LHX8: variants seen among roughly 807,000 people sequenced by gnomAD.
LHX8 encodes LIM homeobox 8, also known as LIM/homeobox protein Lhx8.
A neutral mutation model predicts 40.3 loss-of-function variants in LHX8; 12 were observed. That is an observed-to-expected ratio of 0.30 (90% CI 0.19 to 0.48). LHX8 has a LOEUF of 0.48. Among genes scored for constraint, LHX8 ranks in the 20% least tolerant of loss-of-function variants. The pLI, the probability that LHX8 is intolerant of heterozygous loss-of-function variation, is 0.99. For synonymous variants in LHX8, 179 were observed against 162.0 expected, an observed-to-expected ratio of 1.10 and a Z score of -0.80; for missense variants, 344 against 433.7, an observed-to-expected ratio of 0.79 and a Z score of 1.84.
At chr1:75,153,404 TTTTTG>T (rs986496069) in intron 7 of LHX8, among the ~76,000 whole-genome samples, 11 of 150,550 alleles carry the variant, frequency 7.3e-5, no homozygotes, top group East Asian at 5.9e-4. Context: ...ACGCCTGGCC[TTTTTG>T]TTTTGTTTTG....
chr1:75,136,529 C>T (rs140903812), intron 1 of LHX8, 74 bp from the exon 2 acceptor site: 20,423 of 1,140,846 alleles, frequency 0.018, 226 homozygotes, highest in Middle Eastern at 0.024. Flanking sequence ...CTCCCCGCGC[C>T]GAGGCTGGGG....
chr1:75,130,816 C>T, upstream of LHX8: 1 of 1,330,576 alleles, frequency 7.5e-7, no homozygotes, highest in Admixed American at 1.7e-5. Context: ...ACGTGATGGG[C>T]AAAAATCCAA....
Position 75,160,943 on chromosome 1 carries a change from A to G in LHX8, c.*48A>G. The G allele has an allele frequency of 1.5e-6, 2 of 1,327,042 alleles. No homozygotes were observed. Among genetic ancestry groups the G allele is most frequent in the Non-Finnish European group, 2.2e-6 (2 of 919,136 alleles). 82.2% of individuals were successfully genotyped at this position (1,327,042 alleles called of 1,614,324 possible). ...GATTAAGGATATAAATTTGTCATTTATTATGTATAAAATACCATTGAAAAG... is the reference window on the plus strand; with the variant it reads ...GATTAAGGATATAAATTTGTCATTTGTTATGTATAAAATACCATTGAAAAG... On this transcript the variant is annotated 3_prime_UTR_variant, in exon 9 of 9. Coordinates refer to ENST00000356261, the MANE Select transcript of LHX8 (RefSeq NM_001256114.2).
At chr1:75,195,122 T>C in the LHX8 span, among the ~76,000 whole-genome samples, 1 of 152,358 alleles carries the variant, frequency 6.6e-6, no homozygotes, top group South Asian at 2.1e-4. Flanking sequence ...CTTCTTTCCA[T>C]ATCTATCTGT....
At chr1:75,181,485 G>A in the LHX8 span, among the ~76,000 whole-genome samples, 2 of 152,154 alleles carry the variant, frequency 1.3e-5, no homozygotes, top group African/African-American at 4.8e-5. Context: ...AGGCTCCATG[G>A]GCATGGGACC....
chr1:75,135,929 C>G (rs1023471585), intron 1 of LHX8, among the ~76,000 whole-genome samples: 4 of 152,170 alleles, frequency 2.6e-5, no homozygotes, highest in African/African-American at 9.7e-5. Context: ...ACTCGCCACT[C>G]TAATTGCTGT....
At chr1:75,187,717 T>C in the LHX8 span, among the ~76,000 whole-genome samples, 1 of 152,122 alleles carries the variant, frequency 6.6e-6, no homozygotes, top group African/African-American at 2.4e-5. Context: ...GCACTTAAGA[T>C]TGTCAGTGTG....
intron 7 of LHX8, among the ~76,000 whole-genome samples, chr1:75,155,067 C>T (rs1408867981): frequency 6.6e-6 from 1 of 152,100 alleles, no homozygotes; most frequent in Non-Finnish European, 1.5e-5. Flanking sequence ...TACCACCAGC[C>T]TTGAACAGAC....
chr1:75,132,423 G>T (rs766770417), upstream of LHX8: 2 of 152,294 alleles, frequency 1.3e-5, no homozygotes, highest in African/African-American at 4.8e-5. Flanking sequence ...CATCCCACAA[G>T]GCGCCTGGAG....
rs762022553 is a variant in LHX8 at position 75,148,696 on chromosome 1, T to C, written c.780+14T>C. On this transcript the variant is annotated intron_variant, in intron 7 of 8. Coordinates refer to ENST00000356261, the MANE Select transcript of LHX8 (RefSeq NM_001256114.2). Reference sequence around the variant, plus strand: ...CGTGTGATACAGGTGATTACTTTACTTTTTTTTTTTTTTAAGGTTTTTAAA... The same window carrying C: ...CGTGTGATACAGGTGATTACTTTACCTTTTTTTTTTTTTAAGGTTTTTAAA... 17 of 85,862 alleles carry C rather than the reference T, an allele frequency of 2.0e-4. No homozygotes were observed. The highest frequency in any genetic ancestry group is 1.3e-3 in the Admixed American group (11 of 8,206). The allele number at this position is 85,862 out of a possible 1,614,324, so 5.3% of individuals were successfully genotyped here.
chr1:75,196,590 G>A, the LHX8 span, among the ~76,000 whole-genome samples: 13 of 152,254 alleles, frequency 8.5e-5, no homozygotes, highest in Admixed American at 8.5e-4. Context: ...GCTTGGCTCA[G>A]TGGTTTAGGG....
At chr1:75,154,241 GCTC>G (rs1226035659) in intron 7 of LHX8, among the ~76,000 whole-genome samples, 1 of 152,022 alleles carries the variant, frequency 6.6e-6, no homozygotes, top group East Asian at 1.9e-4. Flanking sequence ...ACTATATTTT[GCTC>G]TACCAGTTAG....
At chr1:75,162,024 T>A (rs889287846), downstream of LHX8, among the ~76,000 whole-genome samples, 8 of 152,200 alleles carry the variant, frequency 5.3e-5, no homozygotes, top group African/African-American at 1.7e-4. Flanking sequence ...ATATGCCAGT[T>A]GGGGAAGAAA....
chr1:75,160,674 T>G, intron 8 of LHX8, 145 bp from the exon 9 acceptor site: 1 of 701,742 alleles, frequency 1.4e-6, no homozygotes, highest in South Asian at 1.5e-5. Context: ...TTAATGCTTC[T>G]GCTGAGGTCA....
chr1:75,196,212 G>A, the LHX8 span, among the ~76,000 whole-genome samples: 14 of 152,070 alleles, frequency 9.2e-5, no homozygotes, highest in African/African-American at 3.4e-4. Flanking sequence ...TCTGGTTCCT[G>A]TGAGCACTAT....
chr1:75,146,987 A>G (rs1414569241), intron 6 of LHX8, among the ~76,000 whole-genome samples: 1 of 152,196 alleles, frequency 6.6e-6, no homozygotes, highest in Admixed American at 6.5e-5. Context: ...AAATTAAAAA[A>G]CAAAGACATA....
intron 1 of LHX8, among the ~76,000 whole-genome samples, chr1:75,135,956 T>A (rs1268229397): frequency 6.6e-6 from 1 of 152,224 alleles, no homozygotes; most frequent in African/African-American, 2.4e-5. Context: ...ACGAAAGAGC[T>A]GCTGGCTCGG....
At chr1:75,181,477 G>T in the LHX8 span, among the ~76,000 whole-genome samples, 1 of 152,260 alleles carries the variant, frequency 6.6e-6, no homozygotes, top group Middle Eastern at 3.4e-3. Context: ...AGTGAGCAAG[G>T]CTCCATGGGC....
chr1:75,162,409 G>C (rs1394318288), downstream of LHX8, among the ~76,000 whole-genome samples: 1 of 152,102 alleles, frequency 6.6e-6, no homozygotes, highest in Non-Finnish European at 1.5e-5. Flanking sequence ...CTGATGTCTA[G>C]GAAAGCTTTT....
Sources: allele counts gnomAD v4.1 joint callset (sites outside exome capture counted in the v4.1 genomes callset), GRCh38; gene constraint gnomAD v4.1.1; transcripts MANE v1.5; gene names NCBI Gene and HGNC (gene_info 2026-07-23, HGNC 2026-07-21).